Variants in DOCK7 observed in about 807,000 individuals in gnomAD.
DOCK7 encodes dedicator of cytokinesis protein 7.
A neutral mutation model predicts 271.0 loss-of-function variants in DOCK7; 138 were observed. The ratio of observed to expected loss-of-function variants is 0.51; its 90% CI spans 0.44 to 0.59. The LOEUF (loss-of-function observed/expected upper bound fraction) is 0.59, where lower values mean the gene tolerates loss of function less well. Ranked by LOEUF, DOCK7 falls within the 20% of genes least tolerant of loss-of-function variation. The pLI, the probability that DOCK7 is intolerant of heterozygous loss-of-function variation, is 0.00. For synonymous variants in DOCK7, 823 were observed against 876.1 expected, an observed-to-expected ratio of 0.94 and a Z score of 1.07; for missense variants, 2,066 against 2,592.4, an observed-to-expected ratio of 0.80 and a Z score of 4.41.
At chr1:62,547,564 T>C (rs1184706981) in intron 22 of DOCK7, among the ~76,000 whole-genome samples, 3 of 152,172 alleles carry the variant, frequency 2.0e-5, no homozygotes, top group Admixed American at 6.5e-5. Flanking sequence ...GTCCTCAGCA[T>C]AGTGCCTAGC....
chr1:62,603,847 A>G, intron 14 of DOCK7: 1 of 903,284 alleles, frequency 1.1e-6, no homozygotes, highest in Non-Finnish European at 1.7e-6. Flanking sequence ...ATACACTAAA[A>G]TGATCAAGGG....
rs1391893687 is a variant in DOCK7 at position 62,454,767 on chromosome 1, GTAT to G, written c.*644_*646del. 6.4e-6 allele frequency: 1 copy of G among 156,942 alleles called. No individual in the cohort carries two copies. The highest frequency in any genetic ancestry group is 1.4e-5 in the Non-Finnish European group (1 of 71,272). 9.7% of individuals were successfully genotyped at this position (156,942 alleles called of 1,614,324 possible). ...TAATCAAGTTAAGGTGTTGTCACTG[GTAT>G]TAGTTATCCCCGTATTTAAATTATT... On this transcript the variant is annotated 3_prime_UTR_variant, in exon 50 of 50. Transcript: ENST00000635253.
At chr1:62,563,651 GA>G (rs1646407846) in intron 18 of DOCK7, among the ~76,000 whole-genome samples, 1 of 151,696 alleles carries the variant, frequency 6.6e-6, no homozygotes, top group African/African-American at 2.4e-5. Flanking sequence ...ACACTAATTA[GA>G]TAAGAAATTC....
intron 20 of DOCK7, among the ~76,000 whole-genome samples, chr1:62,558,272 C>T (rs986432544): frequency 6.6e-6 from 1 of 152,088 alleles, no homozygotes; most frequent in African/African-American, 2.4e-5. Flanking sequence ...GACTCCTATT[C>T]ATCTTTAAAT....
intron 44 of DOCK7, chr1:62,476,912 G>A (rs1447723788): frequency 1.3e-5 from 2 of 152,206 alleles, no homozygotes; most frequent in Non-Finnish European, 2.9e-5. Context: ...TTTGGCCAGA[G>A]AAGTCACCAA....
At chr1:62,639,963 AT>A (rs1288580402) in intron 7 of DOCK7, among the ~76,000 whole-genome samples, 1 of 152,008 alleles carries the variant, frequency 6.6e-6, no homozygotes, top group Non-Finnish European at 1.5e-5. Context: ...TGCAAAAAAA[AT>A]GAATGCCACA....
intron 31 of DOCK7, among the ~76,000 whole-genome samples, chr1:62,518,344 G>A (rs1279787226): frequency 6.6e-6 from 1 of 152,146 alleles, no homozygotes; most frequent in Non-Finnish European, 1.5e-5. Context: ...GGTTGAGGTG[G>A]GTGGATCACG....
intron 41 of DOCK7, among the ~76,000 whole-genome samples, chr1:62,490,641 A>G (rs1403521774): frequency 6.6e-6 from 1 of 152,210 alleles, no homozygotes; most frequent in Non-Finnish European, 1.5e-5. Context: ...AAATCAGATT[A>G]ATTGAAAAAG....
In DOCK7 at chr1:62,537,912, A is replaced by C; in HGVS notation, c.3450T>G (p.Ser1150=). Residue 1150 remains serine, a synonymous_variant, in exon 28 of 50, where the codon TCT becomes TCG. Coordinates refer to ENST00000635253, the MANE Select transcript of DOCK7 (RefSeq NM_001367561.1). ...ATACCTGAGATGTTGCAGAAGAAAC[A>C]GAAGGTGATGGAGATGCAGGTGGAG... ...LLTPPASPSP[S]VSSATSQSSG... is the part of the protein sequence containing the mutation. The C allele has an allele frequency of 6.2e-7, 1 of 1,613,816 alleles. No homozygotes were observed. The highest frequency in any genetic ancestry group is 8.5e-7 in the Non-Finnish European group (1 of 1,179,784).
intron 21 of DOCK7, among the ~76,000 whole-genome samples, chr1:62,553,350 ATATATTTTTTTTTTTTTTTTTTT>A (rs1179019816): frequency 0.14 from 2,069 of 14,632 alleles, 47 homozygotes; most frequent in Non-Finnish European, 0.18. Flanking sequence ...ATATATATAT[ATATATTTTTTTTTTTTTTTTTTT>A]TTTTTTTTTT....
At chr1:62,636,470 T>C (rs1571857432) in intron 8 of DOCK7, 67 bp downstream of exon 8, 8 of 1,274,476 alleles carry the variant, frequency 6.3e-6, no homozygotes, top group Non-Finnish European at 7.7e-6. Flanking sequence ...ATCAATCTTA[T>C]AAAACAAACA....
intron 7 of DOCK7, among the ~76,000 whole-genome samples, chr1:62,638,039 C>T (rs574232639): frequency 6.6e-6 from 1 of 152,272 alleles, no homozygotes; most frequent in East Asian, 1.9e-4. Context: ...TTGATACTGT[C>T]GGTCCATTTA....
Position 62,601,804 on chromosome 1 carries a change from G to T in DOCK7, c.1683-15180C>A, listed in dbSNP as rs141967457. On this transcript the variant is annotated intron_variant, in intron 14 of 49. Transcript: ENST00000635253. ...TGAATGTACCACCATTTATAACAGA[G>T]GTGAACATACAAGTGGCATGTATGC... 310 of 1,609,618 alleles carry T rather than the reference G, an allele frequency of 1.9e-4. No homozygotes were observed. Among genetic ancestry groups the T allele is most frequent in the Non-Finnish European group, 2.5e-4 (290 of 1,177,072 alleles).
intron 39 of DOCK7, 142 bp from the exon 40 acceptor site, chr1:62,494,609 G>A (rs1014638326): frequency 1.6e-5 from 9 of 553,528 alleles, no homozygotes; most frequent in Admixed American, 3.8e-5. Flanking sequence ...TGAAAATGTC[G>A]CTATGCAGGC....
chr1:62,605,298 A>G (rs548422202), intron 14 of DOCK7: 2 of 153,882 alleles, frequency 1.3e-5, no homozygotes, highest in Non-Finnish European at 2.9e-5. Flanking sequence ...TCGTCAGCAC[A>G]GAGTATGTGT....
chr1:62,675,356 C>T (rs1660432139), intron 1 of DOCK7, among the ~76,000 whole-genome samples: 1 of 151,980 alleles, frequency 6.6e-6, no homozygotes, highest in South Asian at 2.1e-4. Flanking sequence ...TGAGCTATAA[C>T]GCACCACTGA....
intron 28 of DOCK7, among the ~76,000 whole-genome samples, chr1:62,537,003 C>G (rs951059746): frequency 6.6e-6 from 1 of 152,292 alleles, no homozygotes; most frequent in Non-Finnish European, 1.5e-5. Context: ...AAAAACCCAT[C>G]AATTTTCATC....
intron 14 of DOCK7, among the ~76,000 whole-genome samples, chr1:62,612,524 T>A (rs1256200204): frequency 6.6e-6 from 1 of 152,124 alleles, no homozygotes; most frequent in East Asian, 1.9e-4. Context: ...TGCACTTGTA[T>A]CCCGGAACTT....
chr1:62,614,113 C>T (rs1471459869), intron 14 of DOCK7, among the ~76,000 whole-genome samples: 1 of 151,994 alleles, frequency 6.6e-6, no homozygotes, highest in Non-Finnish European at 1.5e-5. Context: ...TATCCTGAAA[C>T]ATTCCTGAGA....
Sources: allele counts gnomAD v4.1 joint callset (sites outside exome capture counted in the v4.1 genomes callset), GRCh38; gene constraint gnomAD v4.1.1; transcripts MANE v1.5; gene names NCBI Gene and HGNC (gene_info 2026-07-23, HGNC 2026-07-21).